The following SLC5A12 variants were observed in gnomAD, a reference collection of about 807,000 sequenced individuals.
SLC5A12 encodes the protein sodium-coupled monocarboxylate transporter 2.
In SLC5A12, 46 loss-of-function variants were observed where a neutral mutation model predicts 72.7. The ratio of observed to expected loss-of-function variants is 0.63; its 90% confidence interval spans 0.50 to 0.81. SLC5A12 has a LOEUF of 0.81. SLC5A12 is among the 30% of genes least tolerant of loss of function. The pLI is 0.00. For synonymous variants in SLC5A12, 275 were observed against 264.4 expected, an observed-to-expected ratio of 1.04 and a Z score of -0.39; for missense variants, 683 against 740.7, an observed-to-expected ratio of 0.92 and a Z score of 0.90.
At chr11:26,698,863 T>C (rs4300357) in intron 6 of SLC5A12, among the ~76,000 whole-genome samples, 104,054 of 152,056 alleles carry the variant, frequency 0.68, 39,894 homozygotes, top group Non-Finnish European at 0.86. Flanking sequence ...ACTCATATTA[T>C]ATAACTTCAA....
intron 8 of SLC5A12, 112 bp from the exon 9 acceptor site, chr11:26,692,713 C>G (rs1271530407): frequency 1.5e-6 from 1 of 648,368 alleles, no homozygotes; most frequent in Non-Finnish European, 2.7e-6. Context: ...AAAACAGATG[C>G]AGATATATCT....
At chr11:26,695,501 T>C (rs1397763229) in intron 8 of SLC5A12, among the ~76,000 whole-genome samples, 3 of 152,124 alleles carry the variant, frequency 2.0e-5, no homozygotes, top group Admixed American at 1.3e-4. Context: ...AATCACAGAA[T>C]GGAGAAACCT....
chr11:26,716,975 A>G (rs1222549765), intron 1 of SLC5A12, among the ~76,000 whole-genome samples: 1 of 152,140 alleles, frequency 6.6e-6, no homozygotes. Flanking sequence ...GCTAATCCCT[A>G]TGATGACCTA....
chr11:26,692,585 T>C lies in SLC5A12; in HGVS notation c.1057A>G (p.Ile353Val). The change falls in exon 9 of 15, where the codon ATC (isoleucine) becomes GTC (valine). Residue 353 changes from isoleucine to valine, a missense_variant. By Grantham distance (29) the Ile-to-Val change is conservative. Coordinates refer to ENST00000396005, the MANE Select transcript of SLC5A12 (RefSeq NM_178498.4). Reference sequence around the variant, plus strand: ...AAGGTCACTGTTGCCAAGGCATTGATGCTGGAAGCCACGGTGCTATAAGGA... The same window carrying C: ...AAGGTCACTGTTGCCAAGGCATTGACGCTGGAAGCCACGGTGCTATAAGGA... ...SGTLSTVASS[I>V]NALATVTFED... 1 of 1,613,828 alleles carries C rather than the reference T, an allele frequency of 6.2e-7. No homozygotes were observed. Among genetic ancestry groups the C allele is most frequent in the Non-Finnish European group, 8.5e-7 (1 of 1,179,712 alleles).
intron 9 of SLC5A12, among the ~76,000 whole-genome samples, chr11:26,689,356 C>T (rs564122486): frequency 6.6e-6 from 1 of 152,126 alleles, no homozygotes; most frequent in South Asian, 2.1e-4. Context: ...CGAGATATCG[C>T]ACCACTGCAT....
chr11:26,681,641 A>G (rs963650339), intron 11 of SLC5A12, among the ~76,000 whole-genome samples: 2 of 152,132 alleles, frequency 1.3e-5, no homozygotes, highest in Non-Finnish European at 2.9e-5. Flanking sequence ...TCTCTTCCTA[A>G]GTAACCAGCA....
At position 26,686,531 on chromosome 11, in the gene SLC5A12, G is replaced by A. The variant is rs140205490; in HGVS notation, c.1167C>T (p.Gly389=). The A allele has an allele frequency of 2.8e-5, 45 of 1,613,562 alleles. No individual in the cohort carries two copies. The highest frequency in any genetic ancestry group is 3.3e-5 in the Non-Finnish European group (39 of 1,179,806). ...WISKGLCLLF[G]VMCTSMAVAA... ...CCACAGCCATAGAGGTACACATCAC[G>A]CCAAATAAGAGACCTGAAAGAAAGA... The change falls in exon 10 of 15, where the codon GGC becomes GGT. Residue 389 remains glycine, a synonymous_variant. Transcript: ENST00000396005.
chr11:26,700,531 A>C (rs1278522851), intron 6 of SLC5A12, among the ~76,000 whole-genome samples: 1 of 152,096 alleles, frequency 6.6e-6, no homozygotes, highest in East Asian at 1.9e-4. Context: ...ATAAATAAAT[A>C]AATCAGATAA....
chr11:26,686,526 A>G lies in SLC5A12; in HGVS notation c.1172T>C (p.Met391Thr). 6.2e-7 allele frequency: 1 copy of G among 1,613,968 alleles called. No homozygotes were observed. Among genetic ancestry groups the G allele is most frequent in the South Asian group, 1.1e-5 (1 of 91,070 alleles). The change falls in exon 10 of 15, where the codon ATG (methionine) becomes ACG (threonine). Residue 391 changes from methionine (M) to threonine (T), a missense_variant. Coordinates refer to ENST00000396005, the MANE Select transcript of SLC5A12 (RefSeq NM_178498.4). ...SKGLCLLFGV[M>T]CTSMAVAASV... ...TGCAGCCACAGCCATAGAGGTACACATCACGCCAAATAAGAGACCTGAAAG... is the reference window on the plus strand; with the variant it reads ...TGCAGCCACAGCCATAGAGGTACACGTCACGCCAAATAAGAGACCTGAAAG...
intron 9 of SLC5A12, among the ~76,000 whole-genome samples, chr11:26,689,090 CAA>C (rs36100337): frequency 0.021 from 2,349 of 111,292 alleles, 43 homozygotes; most frequent in African/African-American, 0.066. Flanking sequence ...AAGGACGTTA[CAA>C]AAAAAAAAAA....
intron 10 of SLC5A12, among the ~76,000 whole-genome samples, chr11:26,684,233 TG>T (rs1215347900): frequency 6.6e-6 from 1 of 152,146 alleles, no homozygotes; most frequent in Non-Finnish European, 1.5e-5. Flanking sequence ...AATGCATGAT[TG>T]TTTTTTCCAG....
At chr11:26,674,603 A>T (rs1399109773) in intron 13 of SLC5A12, among the ~76,000 whole-genome samples, 1 of 152,012 alleles carries the variant, frequency 6.6e-6, no homozygotes, top group Non-Finnish European at 1.5e-5. Flanking sequence ...GGATTTCACC[A>T]TGTTGGCCAA....
intron 12 of SLC5A12, among the ~76,000 whole-genome samples, chr11:26,680,213 T>C (rs1397984115): frequency 6.7e-6 from 1 of 150,050 alleles, no homozygotes; most frequent in African/African-American, 2.4e-5. Context: ...TCCTATATTT[T>C]CTAGACTTGC....
chr11:26,687,570 C>T (rs1403111952), intron 9 of SLC5A12, among the ~76,000 whole-genome samples: 1 of 152,174 alleles, frequency 6.6e-6, no homozygotes, highest in Non-Finnish European at 1.5e-5. Flanking sequence ...AAACTGCTTG[C>T]AAATTAATCC....
At chr11:26,699,330 T>C (rs1309654591) in intron 6 of SLC5A12, among the ~76,000 whole-genome samples, 5 of 152,220 alleles carry the variant, frequency 3.3e-5, no homozygotes, top group Non-Finnish European at 7.3e-5. Context: ...GTCTAAGATC[T>C]AGTCATTGTT....
At chr11:26,677,053 T>C (rs1209033707) in intron 13 of SLC5A12, among the ~76,000 whole-genome samples, 2 of 151,682 alleles carry the variant, frequency 1.3e-5, no homozygotes, top group African/African-American at 4.9e-5. Flanking sequence ...TTACAGAAGA[T>C]TTGTTAAAGC....
chr11:26,698,214 T>C (rs967840968), intron 7 of SLC5A12, among the ~76,000 whole-genome samples, 192 bp downstream of exon 7: 1 of 152,056 alleles, frequency 6.6e-6, no homozygotes, highest in South Asian at 2.1e-4. Context: ...CCCTCTTTTT[T>C]ACATGCTCAT....
chr11:26,680,208 T>C (rs1263601529), intron 12 of SLC5A12, among the ~76,000 whole-genome samples: 2 of 150,454 alleles, frequency 1.3e-5, no homozygotes, highest in Non-Finnish European at 3.0e-5. Flanking sequence ...ACAAATCCTA[T>C]ATTTTCTAGA....
chr11:26,667,785 C>CT lies in SLC5A12; in HGVS notation c.*3316dup, dbSNP rs1375577331. On this transcript the variant is annotated 3_prime_UTR_variant, in exon 15 of 15. Coordinates refer to ENST00000396005, the MANE Select transcript of SLC5A12 (RefSeq NM_178498.4). ...TTAAACTCTGGCATTAAAAAAACTA[C>CT]TCTTTGGAAATTTAGGCATGACTTT... The CT allele has an allele frequency of 6.6e-6, 1 of 151,872 alleles. No homozygotes were observed. Among genetic ancestry groups the CT allele is most frequent in the Non-Finnish European group, 1.5e-5 (1 of 67,924 alleles). 9.4% of individuals were successfully genotyped at this position (151,872 alleles called of 1,614,324 possible). A position where few individuals can be genotyped will look rare whatever the true frequency, so the allele number is the denominator to read the frequency against.
Sources: gnomAD v4.1 joint callset for allele counts (sites outside exome capture counted in the v4.1 genomes callset) on GRCh38, gnomAD v4.1.1 for gene constraint, MANE v1.5 for transcripts, NCBI Gene and HGNC (gene_info 2026-07-23, HGNC 2026-07-21) for gene names.